Variants in CDK14 observed in about 807,000 individuals in gnomAD.
CDK14 encodes the protein cyclin-dependent kinase 14.
A neutral mutation model predicts 60.7 loss-of-function variants in CDK14; 34 were observed. The observed-to-expected ratio is 0.56, with a 90% CI of 0.43 to 0.75. The LOEUF (loss-of-function observed/expected upper bound fraction) is 0.75. CDK14 is among the 30% of genes least tolerant of loss of function. The pLI is 0.00. For missense variants in CDK14, 482 were observed against 564.1 expected (o/e 0.85, Z 1.47); for synonymous variants, 197 against 203.7 (o/e 0.97, Z 0.28).
intron 12 of CDK14, among the ~76,000 whole-genome samples, chr7:91,084,299 A>G (rs1477797984): frequency 3.3e-5 from 5 of 152,214 alleles, no homozygotes; most frequent in African/African-American, 9.6e-5. Context: ...TTCCCCATCT[A>G]GATTTCATGC....
At chr7:90,677,642 G>A (rs1801228919) in intron 2 of CDK14, among the ~76,000 whole-genome samples, 1 of 151,864 alleles carries the variant, frequency 6.6e-6, no homozygotes, top group African/African-American at 2.4e-5. Flanking sequence ...TGTTTTCCTG[G>A]AAGCTGTTTT....
chr7:90,775,729 T>C, intron 4 of CDK14, among the ~76,000 whole-genome samples: 1 of 134,760 alleles, frequency 7.4e-6, no homozygotes, highest in Non-Finnish European at 1.6e-5. Flanking sequence ...TCCTCTCCTC[T>C]CCTCCTCTTC....
At chr7:90,687,704 C>A (rs961527720) in intron 2 of CDK14, among the ~76,000 whole-genome samples, 4 of 151,932 alleles carry the variant, frequency 2.6e-5, no homozygotes, top group African/African-American at 9.7e-5. Context: ...CTCCTTCTCA[C>A]CCCCCAAGAA....
chr7:91,169,913 T>G (rs1584158452), intron 14 of CDK14, among the ~76,000 whole-genome samples: 1 of 152,222 alleles, frequency 6.6e-6, no homozygotes, highest in African/African-American at 2.4e-5. Flanking sequence ...AATTCATTCT[T>G]TTCACATACA....
chr7:90,863,346 T>A (rs1426924464), intron 6 of CDK14, 77 bp downstream of exon 6: 4 of 813,832 alleles, frequency 4.9e-6, no homozygotes, highest in Non-Finnish European at 2.0e-6. Flanking sequence ...TAGAATTTCG[T>A]TTTTAGATTG....
At chr7:90,659,939 CT>C (rs1800835808) in intron 2 of CDK14, among the ~76,000 whole-genome samples, 1 of 151,394 alleles carries the variant, frequency 6.6e-6, no homozygotes, top group South Asian at 2.1e-4. Context: ...TTTGGATTGA[CT>C]CCAACAGTAA....
chr7:91,099,028 ATAT>A (rs1196986100), intron 12 of CDK14, among the ~76,000 whole-genome samples: 1 of 152,150 alleles, frequency 6.6e-6, no homozygotes, highest in Admixed American at 6.6e-5. Flanking sequence ...TCATGAAATA[ATAT>A]TATACAAAAT....
intron 7 of CDK14, among the ~76,000 whole-genome samples, 159 bp from the exon 8 acceptor site, chr7:90,917,442 A>AC (rs1793115154): frequency 6.6e-6 from 1 of 152,256 alleles, no homozygotes; most frequent in African/African-American, 2.4e-5. Flanking sequence ...TTAGGAATTT[A>AC]CATACTAAAA....
intron 4 of CDK14, among the ~76,000 whole-genome samples, chr7:90,781,120 T>C (rs999288830): frequency 1.2e-4 from 19 of 152,128 alleles, no homozygotes; most frequent in Non-Finnish European, 2.8e-4. Context: ...TGGTATCTCA[T>C]TGTGGTTTTG....
At chr7:91,012,529 C>A (rs1796191676) in intron 10 of CDK14, among the ~76,000 whole-genome samples, 1 of 152,168 alleles carries the variant, frequency 6.6e-6, no homozygotes, top group Admixed American at 6.5e-5. Flanking sequence ...CAGACTTCCT[C>A]TGGGTTTCTC....
chr7:90,893,939 A>G (rs987746808), intron 6 of CDK14, among the ~76,000 whole-genome samples: 3 of 152,148 alleles, frequency 2.0e-5, no homozygotes, highest in Non-Finnish European at 2.9e-5. Flanking sequence ...TGGGAATGGG[A>G]ATGTCTGGGC....
chr7:90,677,673 G>C (rs1012700441), intron 2 of CDK14, among the ~76,000 whole-genome samples: 49 of 143,586 alleles, frequency 3.4e-4, no homozygotes, highest in African/African-American at 1.3e-3. Flanking sequence ...TTGTGAATAG[G>C]AGGAGGAAAG....
chr7:91,105,899 A>T (rs1023842650), intron 12 of CDK14, among the ~76,000 whole-genome samples: 1 of 152,230 alleles, frequency 6.6e-6, no homozygotes, highest in Non-Finnish European at 1.5e-5. Context: ...CAAAATGAAC[A>T]GGGAAAATAG....
At chr7:91,063,748 T>C (rs767032988) in intron 11 of CDK14, among the ~76,000 whole-genome samples, 5 of 152,208 alleles carry the variant, frequency 3.3e-5, no homozygotes, top group South Asian at 2.1e-4. Context: ...TAATGTAGGA[T>C]AGATGAAGCA....
chr7:91,054,653 A>T (rs1401469663), intron 11 of CDK14, among the ~76,000 whole-genome samples: 1 of 152,150 alleles, frequency 6.6e-6, no homozygotes, highest in Non-Finnish European at 1.5e-5. Context: ...ACTGCTTTAC[A>T]TCTGCTTATG....
intron 2 of CDK14, among the ~76,000 whole-genome samples, chr7:90,706,898 C>T (rs971027194): frequency 1.3e-5 from 2 of 152,038 alleles, no homozygotes; most frequent in Non-Finnish European, 2.9e-5. Flanking sequence ...AAAGCCTGGC[C>T]CTCTTGCTTC....
chr7:91,018,180 T>C (rs1796349746), intron 10 of CDK14, among the ~76,000 whole-genome samples: 1 of 152,234 alleles, frequency 6.6e-6, no homozygotes, highest in African/African-American at 2.4e-5. Context: ...TGTGATCTTG[T>C]AGAAAGAACC....
chr7:90,599,047 C>A (rs1799260361), intron 1 of CDK14, among the ~76,000 whole-genome samples: 1 of 152,146 alleles, frequency 6.6e-6, no homozygotes, highest in African/African-American at 2.4e-5. Context: ...GAGTTGAGGG[C>A]TTACTGTGGG....
intron 9 of CDK14, among the ~76,000 whole-genome samples, chr7:90,968,489 G>A (rs751639982): frequency 6.6e-6 from 1 of 152,232 alleles, no homozygotes; most frequent in Non-Finnish European, 1.5e-5. Context: ...TTACTGTGGC[G>A]TTTTCTATTT....
Sources: gnomAD v4.1 joint callset for allele counts (sites outside exome capture counted in the v4.1 genomes callset) on GRCh38, gnomAD v4.1.1 for gene constraint, MANE v1.5 for transcripts, NCBI Gene and HGNC (gene_info 2026-07-23, HGNC 2026-07-21) for gene names.